The following PWWP3A variants were observed in gnomAD, a reference collection of about 807,000 sequenced individuals.
PWWP3A encodes the protein PWWP domain-containing DNA repair factor 3A.
In PWWP3A, 53 loss-of-function variants were observed where a neutral mutation model predicts 79.0. That is an observed-to-expected ratio of 0.67 (90% CI 0.54 to 0.84). The LOEUF is 0.84. PWWP3A is among the 40% of genes least tolerant of loss of function. The pLI is 0.00. For missense variants in PWWP3A, 973 were observed against 948.0 expected, an observed-to-expected ratio of 1.03 and a Z score of -0.35; for synonymous variants, 443 against 394.4, an observed-to-expected ratio of 1.12 and a Z score of -1.46.
intron 13 of PWWP3A, among the ~76,000 whole-genome samples, chr19:1,375,755 T>A (rs1381163276): frequency 2.1e-5 from 3 of 142,056 alleles, no homozygotes; most frequent in Non-Finnish European, 3.0e-5. Flanking sequence ...AAATATATAA[T>A]TTTATATATC....
At chr19:1,356,799 A>G (rs1040328725) in intron 2 of PWWP3A, among the ~76,000 whole-genome samples, 7 of 152,188 alleles carry the variant, frequency 4.6e-5, no homozygotes, top group Non-Finnish European at 8.8e-5. Flanking sequence ...CTCAGCTGCA[A>G]TGCAAAAGCC....
In PWWP3A at chr19:1,377,836, C is replaced by T. The variant is rs1394165346; in HGVS notation, c.*1260C>T. 6.6e-6 allele frequency: 1 copy of T among 152,226 alleles called. No homozygotes were observed. Among genetic ancestry groups the T allele is most frequent in the Non-Finnish European group, 1.5e-5 (1 of 68,068 alleles). 9.4% of individuals were successfully genotyped at this position (152,226 alleles called of 1,614,324 possible). On this transcript the variant is annotated 3_prime_UTR_variant, in exon 14 of 14. Transcript: ENST00000591337. Reference sequence around the variant, plus strand: ...GGGCTGTGACCCTCTTCCCCCAGGCCCTCCCCAGCCGACGACAGCCACCGG... The same window carrying T: ...GGGCTGTGACCCTCTTCCCCCAGGCTCTCCCCAGCCGACGACAGCCACCGG...
chr19:1,371,026 A>G lies in PWWP3A; in HGVS notation c.1934A>G (p.Gln645Arg). 6.3e-7 allele frequency: 1 copy of G among 1,575,428 alleles called. No individual in the cohort carries two copies. The highest frequency in any genetic ancestry group is 2.3e-5 in the East Asian group (1 of 42,818). Residue 645 changes from glutamine (Q) to arginine (R), a missense_variant, in exon 12 of 14, where the codon CAG becomes CGG. Gln to Arg is a conservative substitution (Grantham distance 43). Transcript: ENST00000591337. ...CAGGAGGTGGGGGCCAAGGTGCTCC[A>G]GCGCACCAACGGCGACCGGATCCGG... ...VYQEVGAKVL[Q>R]RTNGDRIRFI...
At position 1,378,226 on chromosome 19, in the gene PWWP3A, G is replaced by C. The variant is rs1367245807; in HGVS notation, c.*1650G>C. The stretch of plus-strand genomic sequence containing the variant: ...GAGGCGGGGCTCAGCAGCGTTGCAT[G>C]TACGGGCCTCGTACTGCCTCATGGA... On this transcript the variant is annotated 3_prime_UTR_variant, in exon 14 of 14. Transcript: ENST00000591337. 1 of 152,296 alleles carries C rather than the reference G, an allele frequency of 6.6e-6. No homozygotes were observed. The highest frequency in any genetic ancestry group is 2.4e-5 in the African/African-American group (1 of 41,478). 9.4% of individuals were successfully genotyped at this position (152,296 alleles called of 1,614,324 possible). A position where few individuals can be genotyped will look rare whatever the true frequency, so the allele number is the denominator to read the frequency against.
intron 12 of PWWP3A, 169 bp downstream of exon 12, chr19:1,371,247 G>C (rs982749574): frequency 1.3e-6 from 1 of 795,170 alleles, no homozygotes; most frequent in South Asian, 1.4e-5. Context: ...TGGGAAATGC[G>C]AGTGCGTGCG....
Position 1,360,856 on chromosome 19 carries a change from C to T in PWWP3A, c.935C>T (p.Pro312Leu), listed in dbSNP as rs1043942175. 1.5e-5 allele frequency: 23 copies of T among 1,547,558 alleles called. No homozygotes were observed. The highest frequency in any genetic ancestry group is 1.9e-5 in the Non-Finnish European group (22 of 1,147,348). The change falls in exon 5 of 14, where the codon CCT becomes CTT. Residue 312 changes from proline to leucine, a missense_variant. By Grantham distance (98) the Pro-to-Leu change is moderately conservative (BLOSUM62 -3). Transcript: ENST00000591337. The surrounding 1 kb of genome is among the most constrained non-coding windows in gnomAD (Gnocchi z 4.4). ...RPRLDGSQRP[P>L]AVQLEPMAAG... ...CGCCTGGATGGCAGCCAAAGGCCGC[C>T]TGCCGTGCAGCTGGAGCCCATGGCA...
intron 13 of PWWP3A, chr19:1,373,829 C>T (rs1212851323): frequency 5.9e-5 from 9 of 152,460 alleles, no homozygotes; most frequent in African/African-American, 2.2e-4. Context: ...AGCCCCATGT[C>T]CTCCCTGGGC....
At chr19:1,355,302 C>G (rs984347982) in intron 1 of PWWP3A, among the ~76,000 whole-genome samples, 167 bp downstream of exon 1, 2 of 151,992 alleles carry the variant, frequency 1.3e-5, no homozygotes, top group Non-Finnish European at 2.9e-5. Flanking sequence ...GCCCCTGGCG[C>G]CGTGGGCCCC....
chr19:1,363,866 G>A (rs1019832304), intron 6 of PWWP3A, among the ~76,000 whole-genome samples: 5 of 152,188 alleles, frequency 3.3e-5, no homozygotes, highest in Admixed American at 1.3e-4. Flanking sequence ...ATGGACCACG[G>A]CACTTCCTTC....
rs1328893179 is a variant in PWWP3A at position 1,378,170 on chromosome 19, CGGGGACTCGG to C, written c.*1597_*1606del. On this transcript the variant is annotated 3_prime_UTR_variant, in exon 14 of 14. Coordinates refer to ENST00000591337, the MANE Select transcript of PWWP3A (RefSeq NM_001369789.1). The stretch of plus-strand genomic sequence containing the variant: ...CTTGGCCCCCTGCTGGTCGCTGTTT[CGGGGACTCGG>C]GGCGGCCAGTACCACCGCCTGAGGC... The C allele has an allele frequency of 6.6e-6, 1 of 152,286 alleles. No homozygotes were observed. The highest frequency in any genetic ancestry group is 1.5e-5 in the Non-Finnish European group (1 of 68,102). 9.4% of individuals were successfully genotyped at this position (152,286 alleles called of 1,614,324 possible).
chr19:1,372,020 G>A (rs1170476180), intron 12 of PWWP3A: 1 of 152,696 alleles, frequency 6.5e-6, no homozygotes, highest in Non-Finnish European at 1.5e-5. Context: ...TGGCCAGGAT[G>A]ATCTTGATCT....
At position 1,369,644 on chromosome 19, in the gene PWWP3A, T is replaced by G; in HGVS notation, c.1547T>G (p.Ile516Arg). ...GSFLEYYAADISYPVRKSIQQ... is the reference protein window; with the variant it reads ...GSFLEYYAADRSYPVRKSIQQ... ...TTCCTGGAATATTACGCGGCTGATA[T>G]AAGTAAGTCTACAGGCACATCTTGG... Residue 516 changes from isoleucine (I) to arginine (R), a missense_variant and splice_region_variant, in exon 11 of 14, where the codon ATA (isoleucine) becomes AGA (arginine). Ile to Arg is a moderately conservative substitution (Grantham distance 97). Transcript: ENST00000591337. This position sits in a 1 kb window ranked among gnomAD's most constrained non-coding sequence, Gnocchi z 4.0. 1 of 1,614,222 alleles carries G rather than the reference T, an allele frequency of 6.2e-7. No individual in the cohort carries two copies. The highest frequency in any genetic ancestry group is 8.5e-7 in the Non-Finnish European group (1 of 1,180,030).
At chr19:1,375,904 GGTTC>G (rs1339128645) in intron 13 of PWWP3A, among the ~76,000 whole-genome samples, 1 of 139,912 alleles carries the variant, frequency 7.1e-6, no homozygotes, top group Non-Finnish European at 1.5e-5. Flanking sequence ...ACCGTGCCTT[GGTTC>G]AAGCGATTCT....
chr19:1,356,881 G>C (rs2081884314), intron 2 of PWWP3A, 128 bp from the exon 3 acceptor site: 3 of 709,516 alleles, frequency 4.2e-6, no homozygotes, highest in Non-Finnish European at 7.1e-6. Context: ...ATGGGGATTG[G>C]ACCAAATATC....
In PWWP3A at chr19:1,360,088, G is replaced by T. The variant is rs573154322; in HGVS notation, c.215-48G>T. On this transcript the variant is annotated intron_variant, in intron 4 of 13. Coordinates refer to ENST00000591337, the MANE Select transcript of PWWP3A (RefSeq NM_001369789.1). The surrounding 1 kb of genome is among the most constrained non-coding windows in gnomAD (Gnocchi z 4.4). ...TCTAAAGCGATGCCGTGACCGCAGT[G>T]CCTGTGCAGTGAACGTAACCGGCAT... is the stretch of plus-strand genomic sequence containing the variant. 4.5e-5 allele frequency: 68 copies of T among 1,505,248 alleles called. No homozygotes were observed. The African/African-American group carries it at 7.8e-4, about 17-fold the overall frequency. The allele number at this position is 1,505,248 out of a possible 1,614,324, so 93.2% of individuals were successfully genotyped here.
Position 1,373,095 on chromosome 19 carries a change from G to A in PWWP3A, c.2010G>A (p.Ala670=), listed in dbSNP as rs114110184. The change falls in exon 13 of 14, where the codon GCG becomes GCA. Residue 670 remains alanine (A), a synonymous_variant. Transcript: ENST00000591337. The stretch of plus-strand genomic sequence containing the variant: ...AGGCCATCATCTGTGCGATCTCTGC[G>A]GTGGACGAGGTGGACTACAAGACGG... The part of the protein sequence containing the change: ...LPEAIICAIS[A]VDEVDYKTAE... 2.5e-4 allele frequency: 398 copies of A among 1,614,232 alleles called. 1 individual carries two copies. In the African/African-American group the frequency reaches 4.9e-3, roughly 20 times the overall value.
chr19:1,365,115 G>A (rs748530682), intron 7 of PWWP3A, among the ~76,000 whole-genome samples: 62 of 152,328 alleles, frequency 4.1e-4, no homozygotes, highest in Non-Finnish European at 1.6e-4. Context: ...GTGAGACTCC[G>A]TCTCCGGGGG....
At chr19:1,375,746 AAT>A (rs961928808) in intron 13 of PWWP3A, among the ~76,000 whole-genome samples, 10 of 142,920 alleles carry the variant, frequency 7.0e-5, no homozygotes, top group Non-Finnish European at 1.2e-4. Context: ...TTATATATAA[AAT>A]ATATAATTTT....
rs764962400 is a variant in PWWP3A at position 1,376,122 on chromosome 19, CT to C, written c.2076-377del. On this transcript the variant is annotated intron_variant, in intron 13 of 13. Coordinates refer to ENST00000591337, the MANE Select transcript of PWWP3A (RefSeq NM_001369789.1). Reference sequence around the variant, plus strand: ...AAGTGCCTGGACTCTCTGTCATACTCTTTTTTTTTTTTTTTTTTTTAGAGAC... The same window carrying C: ...AAGTGCCTGGACTCTCTGTCATACTCTTTTTTTTTTTTTTTTTTTAGAGAC... 1.3e-3 allele frequency among the ~76,000 whole-genome samples: 139 copies of C among 107,650 alleles called. 1 individual carries two copies. Among genetic ancestry groups the C allele is most frequent in the Middle Eastern group, 6.9e-3 (1 of 144 alleles). The allele number at this position is 107,650 out of a possible 152,430, so 70.6% of individuals were successfully genotyped here. A position where few individuals can be genotyped will look rare whatever the true frequency, so the allele number is the denominator to read the frequency against.
Sources: allele counts gnomAD v4.1 joint callset (sites outside exome capture counted in the v4.1 genomes callset), GRCh38; gene constraint gnomAD v4.1.1; non-coding constraint Gnocchi (gnomAD v3.1); transcripts MANE v1.5; gene names NCBI Gene and HGNC (gene_info 2026-07-23, HGNC 2026-07-21).